SLC27A6: variants seen among roughly 807,000 people sequenced by gnomAD.
SLC27A6 encodes the protein solute carrier family 27 member 6, also known as long-chain fatty acid transport protein 6.
SLC27A6 carries 74 observed loss-of-function variants against 63.9 expected under a neutral mutation model. That is an observed-to-expected ratio of 1.16 (90% confidence interval 0.96 to 1.40). The LOEUF is 1.40. SLC27A6 is among the 40% of genes most tolerant of loss of function. The probability of loss-of-function intolerance (pLI) is 0.00; values close to 1 mark genes in which losing one functional copy is unlikely to be tolerated. For missense variants in SLC27A6, 794 were observed against 732.9 expected (o/e 1.08, Z -0.96); for synonymous variants, 287 against 260.8 (o/e 1.10, Z -0.97).
At chr5:128,971,133 C>A (rs1050976981) in intron 1 of SLC27A6, among the ~76,000 whole-genome samples, 7 of 152,074 alleles carry the variant, frequency 4.6e-5, no homozygotes, top group African/African-American at 1.4e-4. Context: ...CAGTTTGCTA[C>A]AATTTCTTTT....
At chr5:129,017,778 A>G (rs940533374) in intron 5 of SLC27A6, among the ~76,000 whole-genome samples, 2 of 152,176 alleles carry the variant, frequency 1.3e-5, no homozygotes, top group African/African-American at 2.4e-5. Flanking sequence ...CTAGAAATGT[A>G]CAACTTACTA....
intron 5 of SLC27A6, among the ~76,000 whole-genome samples, chr5:129,021,312 G>C (rs538723665): frequency 2.8e-4 from 43 of 152,026 alleles, no homozygotes; most frequent in African/African-American, 9.4e-4. Context: ...CACAGGGACT[G>C]ATGATAACTC....
intron 5 of SLC27A6, among the ~76,000 whole-genome samples, chr5:129,017,984 G>A (rs940633631): frequency 7.2e-5 from 11 of 152,056 alleles, no homozygotes; most frequent in Admixed American, 3.3e-4. Flanking sequence ...CAAACCTGAC[G>A]TAATAGTGCA....
rs567221705 is a variant in SLC27A6 at position 128,995,290 on chromosome 5, A to G, written c.969+4826A>G. On this transcript the variant is annotated intron_variant, in intron 4 of 9. Coordinates refer to ENST00000262462, the MANE Select transcript of SLC27A6 (RefSeq NM_001017372.3). The stretch of plus-strand genomic sequence containing the variant: ...GTTAGCCATATCTAGGGATATATCT[A>G]GGGATAGACCATATATGTAACATAT... 8.5e-5 allele frequency among the ~76,000 whole-genome samples: 13 copies of G among 152,346 alleles called. No individual in the cohort carries two copies. The East Asian group carries it at 2.3e-3, about 27-fold the overall frequency.
chr5:128,996,375 TC>T (rs1751160989), intron 4 of SLC27A6, among the ~76,000 whole-genome samples: 1 of 152,202 alleles, frequency 6.6e-6, no homozygotes, highest in South Asian at 2.1e-4. Context: ...CCAGAAAACA[TC>T]CTTATGATTC....
intron 4 of SLC27A6, among the ~76,000 whole-genome samples, chr5:128,992,685 C>T (rs1451422077): frequency 6.6e-6 from 1 of 152,184 alleles, no homozygotes; most frequent in Non-Finnish European, 1.5e-5. Context: ...ACTTAGAATG[C>T]CACAACCTCA....
chr5:128,981,083 C>A (rs984765693), intron 1 of SLC27A6, among the ~76,000 whole-genome samples: 11 of 152,180 alleles, frequency 7.2e-5, no homozygotes, highest in Non-Finnish European at 8.8e-5. Context: ...TAATGAAGTA[C>A]ATTGCATGTG....
intron 4 of SLC27A6, among the ~76,000 whole-genome samples, chr5:128,997,372 A>C (rs2150140154): frequency 6.6e-6 from 1 of 152,330 alleles, no homozygotes; most frequent in Middle Eastern, 3.4e-3. Flanking sequence ...TTCCTTAAAT[A>C]AGTCAAAGAT....
intron 4 of SLC27A6, among the ~76,000 whole-genome samples, chr5:128,991,987 T>C (rs2150137412): frequency 6.6e-6 from 1 of 151,556 alleles, no homozygotes. Context: ...GAAGTTACTT[T>C]CTTTAATCAA....
chr5:128,990,665 C>T (rs1750948179), intron 4 of SLC27A6, among the ~76,000 whole-genome samples: 1 of 152,078 alleles, frequency 6.6e-6, no homozygotes, highest in Admixed American at 6.6e-5. Context: ...GTTCTCTGAT[C>T]TGGGGTTCTT....
chr5:129,015,628 A>T (rs1041889670), intron 4 of SLC27A6, among the ~76,000 whole-genome samples: 2 of 152,180 alleles, frequency 1.3e-5, no homozygotes, highest in African/African-American at 4.8e-5. Context: ...TTTACCCAAA[A>T]AAAAAGCCTT....
At chr5:129,016,782 TCTATACAGG>T (rs1751913370) in intron 5 of SLC27A6, among the ~76,000 whole-genome samples, 1 of 152,188 alleles carries the variant, frequency 6.6e-6, no homozygotes. Flanking sequence ...ACCACTCAAT[TCTATACAGG>T]CTTTTAATAA....
intron 1 of SLC27A6, among the ~76,000 whole-genome samples, chr5:128,976,398 C>T (rs1447261344): frequency 6.6e-6 from 1 of 152,138 alleles, no homozygotes; most frequent in East Asian, 1.9e-4. Flanking sequence ...CCTATAATCC[C>T]AGCTACTCAG....
chr5:129,015,234 A>G (rs553196097), intron 4 of SLC27A6, among the ~76,000 whole-genome samples: 5 of 152,214 alleles, frequency 3.3e-5, no homozygotes, highest in Non-Finnish European at 7.4e-5. Flanking sequence ...AGAACAAAAT[A>G]GAATCCTGTA....
chr5:128,969,677 G>T (rs940060617), intron 1 of SLC27A6, among the ~76,000 whole-genome samples: 1 of 152,166 alleles, frequency 6.6e-6, no homozygotes, highest in South Asian at 2.1e-4. Context: ...AGATGCTGGG[G>T]TTCTCTAAAT....
chr5:128,969,987 T>C (rs1339354125), intron 1 of SLC27A6, among the ~76,000 whole-genome samples: 1 of 152,174 alleles, frequency 6.6e-6, no homozygotes, highest in African/African-American at 2.4e-5. Flanking sequence ...CTGTTGAATT[T>C]TGTCAGAGGC....
At chr5:129,013,890 A>G (rs1275823537) in intron 4 of SLC27A6, among the ~76,000 whole-genome samples, 1 of 152,134 alleles carries the variant, frequency 6.6e-6, no homozygotes, top group Non-Finnish European at 1.5e-5. Flanking sequence ...TAATCATCAT[A>G]TTTCAGAATG....
At chr5:128,988,907 A>G in intron 3 of SLC27A6, 149 bp downstream of exon 3, 2 of 604,916 alleles carry the variant, frequency 3.3e-6, no homozygotes, top group Non-Finnish European at 5.4e-6. Context: ...TAAAAAAACT[A>G]CACAATTTTA....
chr5:128,978,245 A>G (rs1373761799), intron 1 of SLC27A6, among the ~76,000 whole-genome samples: 1 of 152,070 alleles, frequency 6.6e-6, no homozygotes, highest in African/African-American at 2.4e-5. Flanking sequence ...CTGAATGTGT[A>G]TTTTTTCAGT....
Sources: gnomAD v4.1 joint callset for allele counts (sites outside exome capture counted in the v4.1 genomes callset) on GRCh38, gnomAD v4.1.1 for gene constraint, MANE v1.5 for transcripts, NCBI Gene and HGNC (gene_info 2026-07-23, HGNC 2026-07-21) for gene names.